CDK5RAP2: variants seen among roughly 807,000 people sequenced by gnomAD.
CDK5RAP2 encodes the protein CDK5 regulatory subunit associated protein 2, also known as CDK5 regulatory subunit-associated protein 2.
In CDK5RAP2, 147 loss-of-function variants were observed where a neutral mutation model predicts 232.9. The observed-to-expected ratio is 0.63, with a 90% confidence interval of 0.55 to 0.72. CDK5RAP2 has a LOEUF of 0.72. CDK5RAP2 is among the 30% of genes least tolerant of loss of function. The pLI is 0.00. For synonymous variants in CDK5RAP2, 833 were observed against 833.7 expected (o/e 1.00, Z 0.01); for missense variants, 2,195 against 2,231.5 (o/e 0.98, Z 0.33).
chr9:120,395,232 C>T (rs528028893), intron 35 of CDK5RAP2, among the ~76,000 whole-genome samples: 5 of 152,362 alleles, frequency 3.3e-5, no homozygotes, highest in East Asian at 1.9e-4. Flanking sequence ...TAAACGCCCA[C>T]ATCCATAGAT....
intron 36 of CDK5RAP2, 132 bp downstream of exon 36, chr9:120,394,380 G>C: frequency 7.0e-7 from 1 of 1,422,776 alleles, no homozygotes; most frequent in African/African-American, 1.4e-5. Context: ...GATGGAGTAT[G>C]AAAAGAAGCC....
At chr9:120,496,852 C>T (rs1334314731) in intron 12 of CDK5RAP2, among the ~76,000 whole-genome samples, 2 of 141,050 alleles carry the variant, frequency 1.4e-5, no homozygotes, top group Non-Finnish European at 3.0e-5. Flanking sequence ...TCTGCCCGGC[C>T]GCCCCTACTG....
At chr9:120,575,288 GGT>G (rs1250935062) in intron 1 of CDK5RAP2, among the ~76,000 whole-genome samples, 1 of 152,000 alleles carries the variant, frequency 6.6e-6, no homozygotes, top group East Asian at 1.9e-4. Flanking sequence ...CCTGAGCTCA[GGT>G]GACCTGACCG....
intron 21 of CDK5RAP2, among the ~76,000 whole-genome samples, chr9:120,448,944 T>C (rs2036344831): frequency 6.6e-6 from 1 of 152,222 alleles, no homozygotes; most frequent in Non-Finnish European, 1.5e-5. Context: ...TCCACACATT[T>C]ACTTTTGCCC....
At chr9:120,406,494 C>A in intron 32 of CDK5RAP2, 1 of 157,262 alleles carries the variant, frequency 6.4e-6, no homozygotes, top group Admixed American at 6.1e-5. Flanking sequence ...GCTCCACACC[C>A]TGGGTGGGCG....
intron 28 of CDK5RAP2, among the ~76,000 whole-genome samples, chr9:120,412,313 C>T (rs2033899105): frequency 6.6e-6 from 1 of 152,186 alleles, no homozygotes; most frequent in African/African-American, 2.4e-5. Context: ...CAGATGCTTC[C>T]CTCCCTGTCC....
Position 120,493,883 on chromosome 9 carries a change from G to A in CDK5RAP2, c.1312-2406C>T, listed in dbSNP as rs921645137. Among the ~76,000 whole-genome samples the A allele has an allele frequency of 3.3e-5, 5 of 152,336 alleles. No homozygotes were observed. In the South Asian group the frequency reaches 8.3e-4, roughly 25 times the overall value. ...GAGGCAGGCAGATCGCTTGAGGTCA[G>A]GAGTTTGAGACCAGCTTGGCCAACA... On this transcript the variant is annotated intron_variant, in intron 12 of 37. Coordinates refer to ENST00000349780, the MANE Select transcript of CDK5RAP2 (RefSeq NM_018249.6).
chr9:120,537,866 C>T (rs972005193), intron 6 of CDK5RAP2, among the ~76,000 whole-genome samples: 3 of 152,140 alleles, frequency 2.0e-5, no homozygotes, highest in African/African-American at 7.2e-5. Context: ...ATTACCACTG[C>T]AAACCAGGTA....
chr9:120,390,130 C>T (rs907801931), intron 36 of CDK5RAP2: 1 of 303,132 alleles, frequency 3.3e-6, no homozygotes, highest in Non-Finnish European at 6.5e-6. Context: ...CTTCTGTGGG[C>T]CAGGGAGGGC....
chr9:120,456,349 C>A (rs1364300063), intron 20 of CDK5RAP2, among the ~76,000 whole-genome samples: 1 of 152,198 alleles, frequency 6.6e-6, no homozygotes, highest in African/African-American at 2.4e-5. Context: ...CTGTACTCTA[C>A]AACTCCTTTA....
chr9:120,577,905 T>C, intron 1 of CDK5RAP2, among the ~76,000 whole-genome samples: 1 of 152,162 alleles, frequency 6.6e-6, no homozygotes, highest in East Asian at 1.9e-4. Context: ...ATAATGGAAG[T>C]TATGATAACA....
intron 15 of CDK5RAP2, among the ~76,000 whole-genome samples, chr9:120,475,512 G>A (rs550949397): frequency 1.3e-5 from 2 of 152,114 alleles, no homozygotes; most frequent in East Asian, 1.9e-4. Flanking sequence ...GAGAAGCTGC[G>A]CAATTGAAAT....
At chr9:120,422,956 C>T (rs1040700409) in intron 25 of CDK5RAP2, among the ~76,000 whole-genome samples, 3 of 152,200 alleles carry the variant, frequency 2.0e-5, no homozygotes, top group Admixed American at 2.0e-4. Flanking sequence ...GGTGACAGCA[C>T]TGAATCTAAA....
rs191186359 is a variant in CDK5RAP2, at chr9:120,485,347, T to C, written c.1626+1947A>G. Among the ~76,000 whole-genome samples the C allele has an allele frequency of 6.2e-3, 916 of 147,578 alleles. 12 individuals are homozygous for C. The highest frequency in any genetic ancestry group is 0.022 in the African/African-American group (857 of 39,434). Reference sequence around the variant, plus strand: ...GTCTTGCTCTGTTGCCAGGCTGGAGTGCAGTGGCACGATCTCAGCTCACTG... The same window carrying C: ...GTCTTGCTCTGTTGCCAGGCTGGAGCGCAGTGGCACGATCTCAGCTCACTG... On this transcript the variant is annotated intron_variant, in intron 14 of 37. Coordinates refer to ENST00000349780, the MANE Select transcript of CDK5RAP2 (RefSeq NM_018249.6).
chr9:120,390,458 C>A (rs1266416874), intron 36 of CDK5RAP2, among the ~76,000 whole-genome samples: 1 of 152,204 alleles, frequency 6.6e-6, no homozygotes, highest in South Asian at 2.1e-4. Context: ...GAGGTCCCTG[C>A]TGACACTGAC....
At chr9:120,551,827 A>G (rs2042051608) in intron 3 of CDK5RAP2, among the ~76,000 whole-genome samples, 1 of 152,220 alleles carries the variant, frequency 6.6e-6, no homozygotes, top group Non-Finnish European at 1.5e-5. Flanking sequence ...TTACAGGAAA[A>G]TGTCCTAAGA....
rs115065068 is a variant in CDK5RAP2 at position 120,568,903 on chromosome 9, T to C, written c.128-515A>G. Among the ~76,000 whole-genome samples, 1,309 of 152,208 alleles carry C rather than the reference T, an allele frequency of 8.6e-3. 24 individuals are homozygous for C. The highest frequency in any genetic ancestry group is 0.027 in the African/African-American group (1,134 of 41,516). On this transcript the variant is annotated intron_variant, in intron 2 of 37. Coordinates refer to ENST00000349780, the MANE Select transcript of CDK5RAP2 (RefSeq NM_018249.6). ...CACAAACAATCCATAAACAAAGTGG[T>C]TGTGTTCCAATAAAAGTTTATTTTC...
At chr9:120,541,483 A>T (rs2041630746) in intron 5 of CDK5RAP2, among the ~76,000 whole-genome samples, 2 of 152,360 alleles carry the variant, frequency 1.3e-5, no homozygotes, top group South Asian at 4.1e-4. Flanking sequence ...GTAGTATGGT[A>T]CAATTTTCCT....
At chr9:120,540,891 CCCTCTGCTGGGG>C (rs1433486042) in intron 5 of CDK5RAP2, among the ~76,000 whole-genome samples, 2 of 152,232 alleles carry the variant, frequency 1.3e-5, no homozygotes, top group Non-Finnish European at 2.9e-5. Flanking sequence ...CCTCATGCTA[CCCTCTGCTGGGG>C]TCTCCGCTGG....
Sources: gnomAD v4.1 joint callset for allele counts (sites outside exome capture counted in the v4.1 genomes callset) on GRCh38, gnomAD v4.1.1 for gene constraint, MANE v1.5 for transcripts, NCBI Gene and HGNC (gene_info 2026-07-23, HGNC 2026-07-21) for gene names.